Variants in RBFOX1 observed in about 807,000 individuals in gnomAD.
RBFOX1 encodes RNA binding protein fox-1 homolog 1.
A neutral mutation model predicts 57.7 loss-of-function variants in RBFOX1; 8 were observed. The ratio of observed to expected loss-of-function variants is 0.14; its 90% confidence interval spans 0.08 to 0.25. The LOEUF (loss-of-function observed/expected upper bound fraction) is 0.25, where lower values mean the gene tolerates loss of function less well. Among genes scored for constraint, RBFOX1 ranks in the 10% least tolerant of loss-of-function variants. The pLI is 1.00. For missense variants in RBFOX1, 611 were observed against 548.5 expected (o/e 1.11, Z -1.14); for synonymous variants, 326 against 222.4 (o/e 1.47, Z -4.15).
intron 4 of RBFOX1, among the ~76,000 whole-genome samples, chr16:7,369,721 A>C (rs1207867568): frequency 6.6e-6 from 1 of 152,188 alleles, no homozygotes; most frequent in East Asian, 1.9e-4. Context: ...TAGCAATAGC[A>C]TACCTTTCCA....
At position 5,510,376 on chromosome 16, in the gene RBFOX1, C is replaced by T. The variant is rs930088781; in HGVS notation, c.258+43122C>T. 2.0e-5 allele frequency among the ~76,000 whole-genome samples: 3 copies of T among 152,156 alleles called. No individual in the cohort carries two copies. In the South Asian group the frequency reaches 6.2e-4, roughly 31 times the overall value. ...TGCCTGGTGTCTCTGCTTCTTGTGT[C>T]TCTCATCCATTTGGAACTGGGAGAT... On this transcript the variant is annotated intron_variant, in intron 2 of 2. Transcript: ENST00000585867.
chr16:6,720,367 C>G (rs1171502282), intron 3 of RBFOX1, among the ~76,000 whole-genome samples: 2 of 152,176 alleles, frequency 1.3e-5, no homozygotes, highest in Non-Finnish European at 2.9e-5. Flanking sequence ...TCTTCCTAGC[C>G]ATGCTACCTT....
intron 3 of RBFOX1, among the ~76,000 whole-genome samples, chr16:5,670,262 G>A (rs1764998676): frequency 6.6e-6 from 1 of 152,144 alleles, no homozygotes; most frequent in Non-Finnish European, 1.5e-5. Flanking sequence ...TAGCGATGAT[G>A]GTTGCTTAAT....
intron 3 of RBFOX1, among the ~76,000 whole-genome samples, chr16:5,769,524 G>A (rs955612549): frequency 1.3e-4 from 19 of 151,910 alleles, no homozygotes; most frequent in Admixed American, 3.9e-4. Context: ...ATGGTGGCAG[G>A]CACCTGTAAT....
intron 3 of RBFOX1, among the ~76,000 whole-genome samples, chr16:6,761,433 G>A (rs967276036): frequency 7.0e-6 from 1 of 142,584 alleles, no homozygotes; most frequent in Non-Finnish European, 1.5e-5. Flanking sequence ...CAAGGTAACA[G>A]TTTTCCTGTT....
intron 1 of RBFOX1, among the ~76,000 whole-genome samples, chr16:6,313,897 A>G (rs6500771): frequency 0.53 from 81,160 of 151,802 alleles, 22,495 homozygotes; most frequent in Middle Eastern, 0.71. Context: ...GCTGTCTGGT[A>G]CCATTGTTAA....
chr16:5,597,663 C>G (rs1267766295), intron 2 of RBFOX1, among the ~76,000 whole-genome samples: 1 of 152,038 alleles, frequency 6.6e-6, no homozygotes, highest in African/African-American at 2.4e-5. Flanking sequence ...GCCTTGCTGA[C>G]TTTTGATTAA....
At chr16:5,518,723 C>G (rs976507471) in intron 2 of RBFOX1, among the ~76,000 whole-genome samples, 1 of 152,166 alleles carries the variant, frequency 6.6e-6, no homozygotes, top group Non-Finnish European at 1.5e-5. Context: ...TTGACATCCT[C>G]AACTGTGAAG....
intron 11 of RBFOX1, among the ~76,000 whole-genome samples, chr16:7,650,504 C>T (rs2064810600): frequency 6.6e-6 from 1 of 152,114 alleles, no homozygotes; most frequent in Non-Finnish European, 1.5e-5. Context: ...TCCATTTTCT[C>T]CCTGTAATGA....
At chr16:6,250,354 C>T (rs527990318) in intron 1 of RBFOX1, among the ~76,000 whole-genome samples, 20 of 152,218 alleles carry the variant, frequency 1.3e-4, no homozygotes, top group Admixed American at 2.6e-4. Context: ...GAATATTAAG[C>T]GAACTACCTC....
intron 2 of RBFOX1, among the ~76,000 whole-genome samples, chr16:5,523,254 C>G (rs2044092681): frequency 6.6e-6 from 1 of 151,758 alleles, no homozygotes; most frequent in African/African-American, 2.4e-5. Flanking sequence ...CCATGGCACA[C>G]CAGCCTGGGT....
chr16:6,487,558 T>C (rs991451284), intron 2 of RBFOX1, among the ~76,000 whole-genome samples: 1 of 150,868 alleles, frequency 6.6e-6, no homozygotes, highest in East Asian at 1.9e-4. Context: ...TTACCGATAG[T>C]GAAGAATCTG....
intron 4 of RBFOX1, among the ~76,000 whole-genome samples, chr16:7,496,226 C>T (rs574470039): frequency 6.6e-6 from 1 of 152,304 alleles, no homozygotes; most frequent in South Asian, 2.1e-4. Context: ...TCACTGCAAC[C>T]TCCATCTCCC....
chr16:6,640,795 C>G (rs1031058914), intron 2 of RBFOX1, among the ~76,000 whole-genome samples: 2 of 152,034 alleles, frequency 1.3e-5, no homozygotes, highest in Non-Finnish European at 2.9e-5. Flanking sequence ...GGCCTTGAAC[C>G]AGAATACGTT....
At chr16:5,326,217 C>T (rs1300814957) in intron 1 of RBFOX1, among the ~76,000 whole-genome samples, 2 of 152,136 alleles carry the variant, frequency 1.3e-5, no homozygotes, top group Middle Eastern at 3.2e-3. Flanking sequence ...ACTTACCCTC[C>T]TTCTATAGGT....
chr16:7,348,480 C>G (rs542251009), intron 4 of RBFOX1, among the ~76,000 whole-genome samples: 1 of 152,116 alleles, frequency 6.6e-6, no homozygotes, highest in South Asian at 2.1e-4. Flanking sequence ...ATTCCGTGTC[C>G]TTTCCACATG....
intron 3 of RBFOX1, among the ~76,000 whole-genome samples, chr16:7,035,142 C>G (rs1386441557): frequency 6.6e-6 from 1 of 151,888 alleles, no homozygotes; most frequent in African/African-American, 2.4e-5. Flanking sequence ...GCCGCTGCAC[C>G]GGGCCTCTGA....
rs183446938 is a variant in RBFOX1, at chr16:7,188,631, C to A, written c.27+136533C>A. Among the ~76,000 whole-genome samples the A allele has an allele frequency of 2.0e-5, 3 of 152,248 alleles. No homozygotes were observed. The East Asian group carries it at 5.8e-4, about 29-fold the overall frequency. On this transcript the variant is annotated intron_variant, in intron 4 of 15. Coordinates refer to ENST00000550418, the MANE Select transcript of RBFOX1 (RefSeq NM_018723.4). Reference sequence around the variant, plus strand: ...TGCAGACTTTTCCAATAAGCATTGACTCATTATACCAGTCCAGTATCATTA... The same window carrying A: ...TGCAGACTTTTCCAATAAGCATTGAATCATTATACCAGTCCAGTATCATTA...
chr16:7,364,466 C>T (rs2097396929), intron 4 of RBFOX1, among the ~76,000 whole-genome samples: 1 of 151,152 alleles, frequency 6.6e-6, no homozygotes, highest in African/African-American at 2.4e-5. Context: ...TTAGCAGTAT[C>T]AGGTTGGGTT....
Sources: allele counts gnomAD v4.1 joint callset (sites outside exome capture counted in the v4.1 genomes callset), GRCh38; gene constraint gnomAD v4.1.1; transcripts MANE v1.5; gene names NCBI Gene and HGNC (gene_info 2026-07-23, HGNC 2026-07-21).